Variants in ADAMTS2 observed in about 807,000 individuals in gnomAD.
ADAMTS2 encodes ADAM metallopeptidase with thrombospondin type 1 motif 2, also known as A disintegrin and metalloproteinase with thrombospondin motifs 2.
In ADAMTS2, 50 loss-of-function variants were observed where a neutral mutation model predicts 123.0. The observed-to-expected ratio is 0.41, with a 90% CI of 0.32 to 0.51. The LOEUF (loss-of-function observed/expected upper bound fraction) is 0.51, where lower values mean the gene tolerates loss of function less well. Among genes scored for constraint, ADAMTS2 ranks in the 20% least tolerant of loss-of-function variants. The pLI is 0.35. For synonymous variants in ADAMTS2, 678 were observed against 695.4 expected (o/e 0.98, Z 0.39); for missense variants, 1,494 against 1,705.2 (o/e 0.88, Z 2.18).
rs114086854 is a variant in ADAMTS2 at position 179,189,058 on chromosome 5, C to A, written c.892-7903G>T. 5.1e-3 allele frequency among the ~76,000 whole-genome samples: 776 copies of A among 152,294 alleles called. 6 individuals carry two copies. Among genetic ancestry groups the A allele is most frequent in the African/African-American group, 0.018 (740 of 41,552 alleles). On this transcript the variant is annotated intron_variant, in intron 4 of 21. Transcript: ENST00000251582. This position sits in a 1 kb window ranked among gnomAD's most constrained non-coding sequence, Gnocchi z 4.2. ...GTGCCAGCATGGGCTCTGCCACAAT[C>A]CTGCTGCGTGACTTGGGGCCAGTTA... is the stretch of plus-strand genomic sequence containing the variant.
At chr5:179,333,596 G>GTTTTTTTTTTTTTTTT (rs1219136980) in intron 2 of ADAMTS2, among the ~76,000 whole-genome samples, 2 of 105,994 alleles carry the variant, frequency 1.9e-5, no homozygotes, top group Non-Finnish European at 3.6e-5. Context: ...GTTTTTTTCT[G>GTTTTTTTTTTTTTTTT]TTTTTTTTTT....
At chr5:179,315,362 T>C (rs1164326214) in intron 2 of ADAMTS2, among the ~76,000 whole-genome samples, 2 of 151,294 alleles carry the variant, frequency 1.3e-5, no homozygotes, top group East Asian at 3.9e-4. Flanking sequence ...CAGGGCTGAC[T>C]GCACTCCTGC....
intron 2 of ADAMTS2, among the ~76,000 whole-genome samples, chr5:179,329,363 G>T (rs1409834897): frequency 6.6e-6 from 1 of 151,318 alleles, no homozygotes; most frequent in Non-Finnish European, 1.5e-5. Context: ...ACCCAGAAAG[G>T]CCAGAAATAA....
intron 2 of ADAMTS2, among the ~76,000 whole-genome samples, chr5:179,293,251 A>G (rs1318780042): frequency 6.6e-6 from 1 of 152,244 alleles, no homozygotes; most frequent in Non-Finnish European, 1.5e-5. Context: ...TAATCTTCAC[A>G]AAAGAGGCAG....
At chr5:179,123,617 CG>C (rs1762800110) in intron 19 of ADAMTS2, among the ~76,000 whole-genome samples, 1 of 152,176 alleles carries the variant, frequency 6.6e-6, no homozygotes, top group Admixed American at 6.5e-5. Context: ...TTTGTAAAGA[CG>C]GTGTTTTGCC....
rs114921987 is a variant in ADAMTS2 at position 179,228,600 on chromosome 5, C to T, written c.689-20885G>A. On this transcript the variant is annotated intron_variant, in intron 3 of 21. Coordinates refer to ENST00000251582, the MANE Select transcript of ADAMTS2 (RefSeq NM_014244.5). This position sits in a 1 kb window ranked among gnomAD's most constrained non-coding sequence, Gnocchi z 5.2. ...CCTCCTGCCTGATGCAGTCTCTCGGCAGCAAGGCAGGTGCCCTGAGACCTG... is the reference window on the plus strand; with the variant it reads ...CCTCCTGCCTGATGCAGTCTCTCGGTAGCAAGGCAGGTGCCCTGAGACCTG... Among the ~76,000 whole-genome samples, 356 of 152,382 alleles carry T rather than the reference C, an allele frequency of 2.3e-3. 3 individuals carry two copies. Among genetic ancestry groups the T allele is most frequent in the African/African-American group, 8.2e-3 (341 of 41,590 alleles).
At position 179,158,831 on chromosome 5, in the gene ADAMTS2, CAT is replaced by C; in HGVS notation, c.1022_1023del (p.Asn341SerfsTer17). On this transcript the variant is annotated frameshift_variant, in exon 6 of 22. Transcript: ENST00000251582. LOFTEE classifies it high-confidence loss of function. The surrounding 1 kb of genome is among the most constrained non-coding windows in gnomAD (Gnocchi z 5.0). ...EIGNPSQSLE[N>X]VCRWAYLQQK... ...TGCTGGAGGTAGGCCCAGCGGCAGA[CAT>C]TCTCCAGGCTCTGAGAGGGGTTCCC... 6.2e-7 allele frequency: 1 copy of C among 1,614,222 alleles called. No homozygotes were observed. Among genetic ancestry groups the C allele is most frequent in the Non-Finnish European group, 8.5e-7 (1 of 1,180,050 alleles).
At chr5:179,135,489 A>G (rs1430743865) in intron 13 of ADAMTS2, among the ~76,000 whole-genome samples, 4 of 152,364 alleles carry the variant, frequency 2.6e-5, no homozygotes, top group South Asian at 2.1e-4. Context: ...GCACCAAACC[A>G]GTGACCCTCA....
At chr5:179,329,949 A>G (rs960765704) in intron 2 of ADAMTS2, among the ~76,000 whole-genome samples, 28 of 151,372 alleles carry the variant, frequency 1.8e-4, no homozygotes, top group Non-Finnish European at 3.7e-4. Flanking sequence ...ACAAGGTGAA[A>G]CCCCGTCTCT....
rs544591745 is a variant in ADAMTS2 at position 179,228,987 on chromosome 5, C to T, written c.689-21272G>A. On this transcript the variant is annotated intron_variant, in intron 3 of 21. Coordinates refer to ENST00000251582, the MANE Select transcript of ADAMTS2 (RefSeq NM_014244.5). This position sits in a 1 kb window ranked among gnomAD's most constrained non-coding sequence, Gnocchi z 5.2. ...GTGACAGCCAGCACGTGAGCAAGTGCCCTGGGTTCTGGTCCCAGCAAAGCT... is the reference window on the plus strand; with the variant it reads ...GTGACAGCCAGCACGTGAGCAAGTGTCCTGGGTTCTGGTCCCAGCAAAGCT... 6.6e-6 allele frequency among the ~76,000 whole-genome samples: 1 copy of T among 152,196 alleles called. No individual in the cohort carries two copies. The highest frequency in any genetic ancestry group is 2.4e-5 in the African/African-American group (1 of 41,444).
chr5:179,325,520 T>A (rs185430248), intron 2 of ADAMTS2, among the ~76,000 whole-genome samples: 366 of 152,336 alleles, frequency 2.4e-3, no homozygotes, highest in Non-Finnish European at 4.2e-3. Context: ...ACGCCAGCCC[T>A]GGAGCCACAG....
chr5:179,218,387 G>A (rs1765051184), intron 3 of ADAMTS2, among the ~76,000 whole-genome samples: 1 of 152,240 alleles, frequency 6.6e-6, no homozygotes, highest in Admixed American at 6.5e-5. Flanking sequence ...ATGTGGAAGT[G>A]TAATCAGGAC....
intron 10 of ADAMTS2, among the ~76,000 whole-genome samples, chr5:179,147,029 C>T (rs1763261241): frequency 6.6e-6 from 1 of 152,084 alleles, no homozygotes. Flanking sequence ...TTTTTTAGAG[C>T]CCTTCATTTA....
chr5:179,338,891 T>C (rs1757692877), intron 2 of ADAMTS2, among the ~76,000 whole-genome samples: 1 of 151,332 alleles, frequency 6.6e-6, no homozygotes, highest in Admixed American at 6.6e-5. Context: ...GCTCTAGAAT[T>C]GGAGCTGGCT....
Position 179,129,874 on chromosome 5 carries a change from A to C in ADAMTS2, c.2457+58T>G. 1 of 1,602,570 alleles carries C rather than the reference A, an allele frequency of 6.2e-7. No individual in the cohort carries two copies. The highest frequency in any genetic ancestry group is 1.7e-5 in the Admixed American group (1 of 59,906). ...GAGGCTCAGCGTCCCAGGCACCCCC[A>C]TCCCTCCCCCAGTGGCCACCCGCAC... On this transcript the variant is annotated intron_variant, in intron 16 of 21. Transcript: ENST00000251582. The surrounding 1 kb of genome is among the most constrained non-coding windows in gnomAD (Gnocchi z 4.1).
At position 179,115,926 on chromosome 5, in the gene ADAMTS2, C is replaced by G. The variant is rs1254604505; in HGVS notation, c.3179-1602G>C. ...CTGGTGACAGACCACCAGCTCCAAA[C>G]CCCTGAAGCTTCAGACTTGCTACAA... is the stretch of plus-strand genomic sequence containing the variant. On this transcript the variant is annotated intron_variant, in intron 21 of 21. Coordinates refer to ENST00000251582, the MANE Select transcript of ADAMTS2 (RefSeq NM_014244.5). This position sits in a 1 kb window ranked among gnomAD's most constrained non-coding sequence, Gnocchi z 4.4. Among the ~76,000 whole-genome samples the G allele has an allele frequency of 6.6e-6, 1 of 152,102 alleles. No homozygotes were observed. The highest frequency in any genetic ancestry group is 1.5e-5 in the Non-Finnish European group (1 of 68,028).
chr5:179,339,645 C>T (rs888820347), intron 2 of ADAMTS2, among the ~76,000 whole-genome samples: 1 of 152,194 alleles, frequency 6.6e-6, no homozygotes, highest in South Asian at 2.1e-4. Context: ...TGGGGAGCCC[C>T]GACACCCTAG....
intron 19 of ADAMTS2, among the ~76,000 whole-genome samples, chr5:179,123,337 C>T (rs1561766679): frequency 6.6e-6 from 1 of 152,264 alleles, no homozygotes; most frequent in Non-Finnish European, 1.5e-5. Context: ...ACCAGGTGCA[C>T]AGGAAAAGGC....
At chr5:179,223,038 C>A (rs1250401227) in intron 3 of ADAMTS2, among the ~76,000 whole-genome samples, 4 of 152,258 alleles carry the variant, frequency 2.6e-5, no homozygotes, top group African/African-American at 9.6e-5. Context: ...TCCACCAGGA[C>A]AAGTCACTGT....
Sources: gnomAD v4.1 joint callset for allele counts (sites outside exome capture counted in the v4.1 genomes callset) on GRCh38, gnomAD v4.1.1 for gene constraint, Gnocchi (gnomAD v3.1) non-coding constraint, MANE v1.5 for transcripts, NCBI Gene and HGNC (gene_info 2026-07-23, HGNC 2026-07-21) for gene names.